Variants in INAVA observed in about 807,000 individuals in gnomAD.
INAVA encodes the protein innate immunity activator protein.
Under a neutral mutation model 55.3 loss-of-function variants are expected in INAVA, and 32 were observed. The observed-to-expected ratio is 0.58, with a 90% CI of 0.44 to 0.78. INAVA has a LOEUF of 0.78. INAVA is among the 30% of genes least tolerant of loss of function. INAVA has a pLI of 0.00. For synonymous variants in INAVA, 294 were observed against 329.4 expected (o/e 0.89, Z 1.16); for missense variants, 756 against 786.4 (o/e 0.96, Z 0.46).
chr1:200,913,410 C>CCTGCTG (rs755250242), intron 9 of INAVA, 127 bp from the exon 10 acceptor site: 3 of 692,312 alleles, frequency 4.3e-6, no homozygotes, highest in African/African-American at 1.8e-5. Flanking sequence ...AGTGCCAGGG[C>CCTGCTG]CTGCTGCTGC....
intron 8 of INAVA, among the ~76,000 whole-genome samples, chr1:200,910,905 T>C (rs565561473): frequency 2.6e-5 from 4 of 152,354 alleles, no homozygotes; most frequent in Admixed American, 2.6e-4. Flanking sequence ...GTAACTGCTC[T>C]GGGTACCACA....
At chr1:200,898,940 T>C (rs531349065) in intron 2 of INAVA, among the ~76,000 whole-genome samples, 4 of 152,012 alleles carry the variant, frequency 2.6e-5, no homozygotes, top group Non-Finnish European at 5.9e-5. Flanking sequence ...GATCGCGGCA[T>C]TGCACTCCAG....
At position 200,898,350 on chromosome 1, in the gene INAVA, T is replaced by C; in HGVS notation, c.-51T>C. On this transcript the variant is annotated 5_prime_UTR_variant, in exon 2 of 10. Coordinates refer to ENST00000413687, the MANE Select transcript of INAVA (RefSeq NM_001142569.3). Reference sequence around the variant, plus strand: ...ACCTACACAACCTGGCCCAGGCTGGTCACGGTGTCCCCCCTCCCTGCTCTG... The same window carrying C: ...ACCTACACAACCTGGCCCAGGCTGGCCACGGTGTCCCCCCTCCCTGCTCTG... The C allele has an allele frequency of 1.9e-6, 3 of 1,614,112 alleles. No homozygotes were observed. The highest frequency in any genetic ancestry group is 2.5e-6 in the Non-Finnish European group (3 of 1,180,012).
Position 200,911,746 on chromosome 1 carries a change from T to C in INAVA, c.1253T>C (p.Leu418Pro), listed in dbSNP as rs1351305458. ...TGGGTCCCAGCCGGCAGCAGAGAGC[T>C]GGTCGCCCACCACCCCAAGCTACTG... ...GAWVPAGSRE[L>P]VAHHPKLLLP... The change falls in exon 9 of 10, where the codon CTG becomes CCG. Residue 418 changes from leucine (L) to proline (P), a missense_variant. By Grantham distance (98) the Leu-to-Pro change is moderately conservative (BLOSUM62 -3). Around this residue, in one of 2 missense-constraint regions of INAVA, gnomAD observed 639 missense variants for 624.3 expected, o/e 1.02. Coordinates refer to ENST00000413687, the MANE Select transcript of INAVA (RefSeq NM_001142569.3). The C allele has an allele frequency of 1.2e-6, 2 of 1,611,848 alleles. No homozygotes were observed. The highest frequency in any genetic ancestry group is 2.7e-5 in the African/African-American group (2 of 74,886).
rs1177702757 is a variant in INAVA at position 200,895,076 on chromosome 1, GC to G, written c.-103del. On this transcript the variant is annotated 5_prime_UTR_variant, in exon 1 of 10. Coordinates refer to ENST00000413687, the MANE Select transcript of INAVA (RefSeq NM_001142569.3). ...GCTGTTTTTCAACTCCTGGACTAAA[GC>G]CCAGAAGCAGGTGAGGGCGGGGGAG... 1.0e-6 allele frequency: 1 copy of G among 985,580 alleles called. No homozygotes were observed. Among genetic ancestry groups the G allele is most frequent in the Non-Finnish European group, 1.2e-6 (1 of 830,190 alleles). 61.1% of individuals were successfully genotyped at this position (985,580 alleles called of 1,614,324 possible). A position where few individuals can be genotyped will look rare whatever the true frequency, so the allele number is the denominator to read the frequency against.
chr1:200,896,283 G>T (rs1208727596), intron 1 of INAVA, among the ~76,000 whole-genome samples: 1 of 145,792 alleles, frequency 6.9e-6, no homozygotes, highest in South Asian at 2.3e-4. Context: ...CATGCTAGCT[G>T]AGACCACCTT....
intron 8 of INAVA, among the ~76,000 whole-genome samples, chr1:200,909,744 T>C (rs2102314620): frequency 6.6e-6 from 1 of 152,364 alleles, no homozygotes; most frequent in Non-Finnish European, 1.5e-5. Context: ...CAGTTGATTC[T>C]CATTATCTGT....
chr1:200,912,266 T>C, intron 9 of INAVA, 129 bp downstream of exon 9: 1 of 916,268 alleles, frequency 1.1e-6, no homozygotes, highest in Non-Finnish European at 1.6e-6. Flanking sequence ...GTAATCCCCG[T>C]CTAGGAAGAA....
chr1:200,902,337 C>A (rs1052100133), intron 5 of INAVA, among the ~76,000 whole-genome samples: 3 of 152,206 alleles, frequency 2.0e-5, no homozygotes, highest in Admixed American at 6.5e-5. Flanking sequence ...CTGCTCCTAT[C>A]CATGGCTTTT....
intron 5 of INAVA, among the ~76,000 whole-genome samples, chr1:200,904,871 C>T (rs1653417812): frequency 6.6e-6 from 1 of 152,028 alleles, no homozygotes; most frequent in Non-Finnish European, 1.5e-5. Context: ...GCTGGGACTA[C>T]AGTCATGTGC....
Position 200,898,412 on chromosome 1 carries a change from G to A in INAVA, c.12G>A (p.Lys4=). ...TCCAGAAATCCACCATGGAGAGTAA[G>A]GATGAGGTCAGCGACACCGACAGTG... MES[K]DEVSDTDSGI... is the part of the protein sequence containing the mutation. Residue 4 remains lysine, a synonymous_variant, in exon 2 of 10, where the codon AAG becomes AAA. Transcript: ENST00000413687. 2 of 1,614,068 alleles carry A rather than the reference G, an allele frequency of 1.2e-6. No homozygotes were observed. Among genetic ancestry groups the A allele is most frequent in the East Asian group, 2.2e-5 (1 of 44,876 alleles).
At chr1:200,895,845 G>C (rs888971588) in intron 1 of INAVA, among the ~76,000 whole-genome samples, 1 of 152,288 alleles carries the variant, frequency 6.6e-6, no homozygotes, top group East Asian at 1.9e-4. Context: ...CGGGAGGCCT[G>C]GTGACTTCCC....
At position 200,898,510 on chromosome 1, in the gene INAVA, C is replaced by T; in HGVS notation, c.55+55C>T. 2.5e-6 allele frequency: 4 copies of T among 1,590,744 alleles called. No homozygotes were observed. In the South Asian group the frequency reaches 4.6e-5, roughly 18 times the overall value. On this transcript the variant is annotated intron_variant, in intron 2 of 9. Coordinates refer to ENST00000413687, the MANE Select transcript of INAVA (RefSeq NM_001142569.3). ...AGTCCCTAGTCCCTGGTCCCTGGTC[C>T]CTGGCCCTGACTCCTGAGTCCTGAG...
intron 4 of INAVA, among the ~76,000 whole-genome samples, chr1:200,900,650 G>A (rs1460253204): frequency 1.3e-5 from 2 of 152,214 alleles, no homozygotes; most frequent in Non-Finnish European, 2.9e-5. Context: ...CACCCTTTGG[G>A]GTCAGGAGGG....
intron 5 of INAVA, chr1:200,906,472 TCACAC>T: frequency 7.2e-6 from 1 of 138,124 alleles, no homozygotes; most frequent in East Asian, 2.1e-4. Flanking sequence ...TGAGTCGAGA[TCACAC>T]CACTGCTCTC....
At chr1:200,912,317 C>T (rs1653787598) in intron 9 of INAVA, among the ~76,000 whole-genome samples, 180 bp downstream of exon 9, 1 of 152,196 alleles carries the variant, frequency 6.6e-6, no homozygotes, top group Admixed American at 6.5e-5. Context: ...GGAAGGCACT[C>T]TTGGCTTCCC....
chr1:200,911,913 G>A lies in INAVA; in HGVS notation c.1420G>A (p.Val474Met). Residue 474 changes from valine (V) to methionine (M), a missense_variant, in exon 9 of 10, where the codon GTG becomes ATG. Coordinates refer to ENST00000413687, the MANE Select transcript of INAVA (RefSeq NM_001142569.3). The stretch of plus-strand genomic sequence containing the variant: ...CACTCCCCTGCGCTACCAGCGTCTG[G>A]TGCCCTCCCGCAGCCGCATCGTGCG... ...EGTPLRYQRL[V>M]PSRSRIVRTP... The A allele has an allele frequency of 6.3e-7, 1 of 1,578,588 alleles. No individual in the cohort carries two copies. Among genetic ancestry groups the A allele is most frequent in the East Asian group, 2.3e-5 (1 of 43,482 alleles).
At chr1:200,908,685 GTT>G in intron 6 of INAVA, 43 bp from the exon 7 acceptor site, 1 of 1,483,898 alleles carries the variant, frequency 6.7e-7, no homozygotes, top group South Asian at 1.4e-5. Context: ...TGTTGGGCCG[GTT>G]CCCCCAGCCT....
chr1:200,902,078 T>C (rs1653284757), intron 5 of INAVA, among the ~76,000 whole-genome samples: 1 of 152,188 alleles, frequency 6.6e-6, no homozygotes, highest in South Asian at 2.1e-4. Context: ...CCTCCCTGGC[T>C]GCCTCAGAGG....
Sources: gnomAD v4.1 joint callset for allele counts (sites outside exome capture counted in the v4.1 genomes callset) on GRCh38, gnomAD v4.1.1 for gene constraint, gnomAD v4.1.1 regional missense constraint, MANE v1.5 for transcripts, NCBI Gene and HGNC (gene_info 2026-07-23, HGNC 2026-07-21) for gene names.